Variants in ZNF846 observed in about 807,000 individuals in gnomAD.
ZNF846 encodes the protein zinc finger protein 846.
In ZNF846, 15 loss-of-function variants were observed where a neutral mutation model predicts 16.0. The ratio of observed to expected loss-of-function variants is 0.94; its 90% confidence interval spans 0.63 to 1.45. ZNF846 has a LOEUF of 1.45. Among genes scored for constraint, ZNF846 ranks in the 40% most tolerant of loss-of-function variants. The probability of loss-of-function intolerance (pLI) is 0.00; values close to 1 mark genes in which losing one functional copy is unlikely to be tolerated. For synonymous variants in ZNF846, 229 were observed against 212.0 expected, an observed-to-expected ratio of 1.08 and a Z score of -0.70; for missense variants, 714 against 622.3, an observed-to-expected ratio of 1.15 and a Z score of -1.57.
At chr19:9,774,067 T>C (rs1300199435) in intron 1 of ZNF846, among the ~76,000 whole-genome samples, 13 of 152,168 alleles carry the variant, frequency 8.5e-5, no homozygotes. Flanking sequence ...AAAACAAACA[T>C]TCTTGAAAGA....
upstream of ZNF846, among the ~76,000 whole-genome samples, chr19:9,770,142 A>G (rs1277085743): frequency 6.6e-6 from 1 of 152,050 alleles, no homozygotes; most frequent in Non-Finnish European, 1.5e-5. Context: ...TTGTATATTC[A>G]TATATTTGTG....
chr19:9,770,480 CTTTT>C (rs565850988), upstream of ZNF846, among the ~76,000 whole-genome samples: 1 of 130,130 alleles, frequency 7.7e-6, no homozygotes. Flanking sequence ...TGGGTTTTCT[CTTTT>C]TTTTTTTTTT....
At chr19:9,754,514 G>A (rs909311116), downstream of ZNF846, among the ~76,000 whole-genome samples, 15 of 143,330 alleles carry the variant, frequency 1.0e-4, no homozygotes, top group African/African-American at 3.0e-4. Flanking sequence ...GCAGTGAGCC[G>A]GGATCTTGCC....
At chr19:9,759,864 T>A in exon 5 of ZNF846, 1 of 1,611,766 alleles carries the variant, frequency 6.2e-7, no homozygotes, top group Non-Finnish European at 8.5e-7. Context: ...TCTTACCAAT[T>A]GTACTCCATT....
chr19:9,760,864 A>G (rs1486067503), intron 4 of ZNF846, among the ~76,000 whole-genome samples: 1 of 151,508 alleles, frequency 6.6e-6, no homozygotes, highest in Non-Finnish European at 1.5e-5. Context: ...GGGACTGACT[A>G]CTTGATGGGT....
intron 1 of ZNF846, among the ~76,000 whole-genome samples, chr19:9,776,074 C>T (rs183386228): frequency 1.3e-5 from 2 of 152,204 alleles, no homozygotes; most frequent in Admixed American, 6.5e-5. Context: ...CAGAAGGGCT[C>T]CTTGGTCTAG....
At chr19:9,753,924 G>T (rs1476538911), downstream of ZNF846, among the ~76,000 whole-genome samples, 1 of 151,574 alleles carries the variant, frequency 6.6e-6, no homozygotes, top group Admixed American at 6.6e-5. Flanking sequence ...TACTTGTCCT[G>T]TTTCCTTCTT....
intron 1 of ZNF846, among the ~76,000 whole-genome samples, chr19:9,773,973 G>A (rs1167961001): frequency 2.6e-5 from 4 of 152,144 alleles, no homozygotes; most frequent in Admixed American, 6.6e-5. Flanking sequence ...GTAAGGTGAT[G>A]TAATAAAACT....
chr19:9,758,712 AC>A lies in ZNF846; in HGVS notation c.364del (p.Val122SerfsTer9). ...CATAAGAAATGGGTGTTCATTGAAG[AC>A]TTTTCCAGAATGGTTAGAGTCATAC... On this transcript the variant is annotated frameshift_variant, in exon 6 of 6. Coordinates refer to ENST00000397902, the Ensembl canonical transcript of ZNF846. LOFTEE classifies it low-confidence loss of function (END_TRUNC). The A allele has an allele frequency of 6.2e-7, 1 of 1,606,690 alleles. No individual in the cohort carries two copies. The highest frequency in any genetic ancestry group is 8.5e-7 in the Non-Finnish European group (1 of 1,175,850).
chr19:9,757,600 G>A, exon 6 of ZNF846: 1 of 1,613,582 alleles, frequency 6.2e-7, no homozygotes, highest in Non-Finnish European at 8.5e-7. Flanking sequence ...TGAACGTTAA[G>A]GTATGTGGAA....
downstream of ZNF846, chr19:9,756,650 C>A (rs2045139859): frequency 6.6e-6 from 1 of 151,240 alleles, no homozygotes; most frequent in Non-Finnish European, 1.5e-5. Flanking sequence ...ACTGTGAGTT[C>A]TTTGATGTTG....
chr19:9,750,449 A>G (rs1055485191), downstream of ZNF846, among the ~76,000 whole-genome samples: 7 of 152,156 alleles, frequency 4.6e-5, no homozygotes, highest in Non-Finnish European at 8.8e-5. Context: ...TTTTGGGTGC[A>G]GGACCCCTCT....
intron 1 of ZNF846, among the ~76,000 whole-genome samples, chr19:9,778,109 T>A (rs1375675272): frequency 2.6e-5 from 4 of 152,114 alleles, no homozygotes; most frequent in Non-Finnish European, 4.4e-5. Context: ...AGAGACCTAA[T>A]GGTATATCTA....
intron 4 of ZNF846, among the ~76,000 whole-genome samples, chr19:9,761,426 G>GAT (rs2045226026): frequency 6.6e-6 from 1 of 151,902 alleles, no homozygotes; most frequent in Admixed American, 6.6e-5. Flanking sequence ...CAATGGTAAA[G>GAT]ATATGGTGTC....
downstream of ZNF846, among the ~76,000 whole-genome samples, chr19:9,753,756 T>C (rs2045107008): frequency 6.6e-6 from 1 of 151,816 alleles, no homozygotes; most frequent in South Asian, 2.1e-4. Context: ...TTTCATTCTA[T>C]GTGACTTGAA....
At position 9,773,978 on chromosome 19, in the gene ZNF846, A is replaced by G. The variant is rs74925732; in HGVS notation, c.-85-8943T>C. On this transcript the variant is annotated intron_variant, in intron 1 of 4. Transcript: ENST00000586814. ...TCAAAAGCCAGTAAGGTGATGTAAT[A>G]AAACTTATGTAGAATAACATAAAGA... 2.3e-3 allele frequency among the ~76,000 whole-genome samples: 355 copies of G among 152,372 alleles called. 1 individual carries two copies. Among genetic ancestry groups the G allele is most frequent in the Non-Finnish European group, 4.0e-3 (270 of 68,040 alleles).
chr19:9,756,292 AATAC>A (rs2045133077), downstream of ZNF846: 1 of 145,808 alleles, frequency 6.9e-6, no homozygotes, highest in Admixed American at 6.8e-5. Context: ...AGGATGAAAT[AATAC>A]ATACGTGTGT....
downstream of ZNF846, among the ~76,000 whole-genome samples, chr19:9,754,562 CT>C (rs1298630352): frequency 3.0e-4 from 16 of 54,104 alleles, 1 homozygote; most frequent in African/African-American, 1.2e-3. Context: ...GAGACTCTGT[CT>C]TAAAAAAAAA....
At chr19:9,785,647 C>G (rs1195576648) in intron 1 of ZNF846, among the ~76,000 whole-genome samples, 1 of 91,482 alleles carries the variant, frequency 1.1e-5, no homozygotes, top group Non-Finnish European at 2.3e-5. Flanking sequence ...CGCCCCATCT[C>G]TCCCTCACCG....
Sources: allele counts gnomAD v4.1 joint callset (sites outside exome capture counted in the v4.1 genomes callset), GRCh38; gene constraint gnomAD v4.1.1; transcripts MANE v1.5; gene names NCBI Gene and HGNC (gene_info 2026-07-23, HGNC 2026-07-21).